Variants in ALKAL2 observed in about 807,000 individuals in gnomAD.
ALKAL2 encodes the protein ALK and LTK ligand 2.
In ALKAL2, 8 loss-of-function variants were observed where a neutral mutation model predicts 18.5. The observed-to-expected ratio is 0.43, with a 90% confidence interval of 0.25 to 0.78. The LOEUF (loss-of-function observed/expected upper bound fraction) is 0.78. Among genes scored for constraint, ALKAL2 ranks in the 30% least tolerant of loss-of-function variants. The pLI is 0.22. For synonymous variants in ALKAL2, 135 were observed against 95.8 expected, an observed-to-expected ratio of 1.41 and a Z score of -2.39; for missense variants, 241 against 211.2, an observed-to-expected ratio of 1.14 and a Z score of -0.88.
intron 5 of ALKAL2, among the ~76,000 whole-genome samples, chr2:281,937 T>G (rs1670367929): frequency 6.6e-6 from 1 of 152,136 alleles, no homozygotes; most frequent in Non-Finnish European, 1.5e-5. Context: ...AGAGCAGGGA[T>G]GTGGGGAGAC....
intron 5 of ALKAL2, among the ~76,000 whole-genome samples, chr2:281,518 C>T (rs745511506): frequency 6.6e-6 from 1 of 152,144 alleles, no homozygotes; most frequent in Non-Finnish European, 1.5e-5. Flanking sequence ...ATCACTGTGG[C>T]GTTTGCAAAG....
At chr2:283,049 C>A in intron 5 of ALKAL2, 62 bp downstream of exon 5, 2 of 1,504,058 alleles carry the variant, frequency 1.3e-6, no homozygotes, top group South Asian at 1.2e-5. Flanking sequence ...ATGAATTTTT[C>A]ATGTCCCAAG....
intron 4 of ALKAL2, 55 bp from the exon 5 acceptor site, chr2:283,230 C>CG: frequency 7.2e-7 from 1 of 1,389,114 alleles, no homozygotes; most frequent in South Asian, 1.3e-5. Flanking sequence ...AAATAAATCG[C>CG]ATTTTTTTGC....
rs758707324 is a variant in ALKAL2 at position 282,861 on chromosome 2, T to A, written c.453+250A>T. On this transcript the variant is annotated intron_variant, in intron 5 of 5. Transcript: ENST00000403610. The stretch of plus-strand genomic sequence containing the variant: ...CATGCTGACACTGGCTGACTTGCTG[T>A]GTTTCAGAGCAGGACCCACTTAGTG... Among the ~76,000 whole-genome samples the A allele has an allele frequency of 9.1e-4, 139 of 152,212 alleles. 5 individuals carry two copies. Among genetic ancestry groups the A allele is most frequent in the Non-Finnish European group, 2.5e-4 (17 of 68,036 alleles).
intron 2 of ALKAL2, chr2:286,641 T>G (rs909472209): frequency 2.2e-5 from 6 of 276,160 alleles, no homozygotes; most frequent in Non-Finnish European, 4.0e-5. Context: ...AAACTGTTTT[T>G]TTTTTCTTTT....
Position 288,055 on chromosome 2 carries a change from C to T in ALKAL2, c.-100G>A. On this transcript the variant is annotated 5_prime_UTR_variant, in exon 1 of 6. Transcript: ENST00000403610. ...AACAAGCCGGCAGGTGAGGGAGCCGCGGTCTCCTCGACGATCACGCCCGAG... is the reference window on the plus strand; with the variant it reads ...AACAAGCCGGCAGGTGAGGGAGCCGTGGTCTCCTCGACGATCACGCCCGAG... 1.7e-6 allele frequency: 2 copies of T among 1,211,038 alleles called. No homozygotes were observed. The highest frequency in any genetic ancestry group is 3.5e-5 in the East Asian group (1 of 28,680). The allele number at this position is 1,211,038 out of a possible 1,614,324, so 75.0% of individuals were successfully genotyped here.
intron 3 of ALKAL2, 21 bp from the exon 4 acceptor site, chr2:286,224 C>T (rs1670502920): frequency 6.2e-7 from 1 of 1,613,098 alleles, no homozygotes; most frequent in Non-Finnish European, 8.5e-7. Flanking sequence ...GAAGAAGAAA[C>T]AGATCATGAA....
chr2:282,504 A>G (rs1197868221), intron 5 of ALKAL2, among the ~76,000 whole-genome samples: 1 of 152,198 alleles, frequency 6.6e-6, no homozygotes, highest in Non-Finnish European at 1.5e-5. Flanking sequence ...GGAAAATAAA[A>G]CCTTACCCTT....
In ALKAL2 at chr2:280,075, A is replaced by G; in HGVS notation, c.*72T>C. ...TGTCCATGAGGGGATGTGTATAAAG[A>G]TAGTTCTGTTTCCCTGTTGGTTTCC... On this transcript the variant is annotated 3_prime_UTR_variant, in exon 6 of 6. Transcript: ENST00000403610. 1 of 1,562,742 alleles carries G rather than the reference A, an allele frequency of 6.4e-7. No individual in the cohort carries two copies. The highest frequency in any genetic ancestry group is 8.8e-7 in the Non-Finnish European group (1 of 1,133,080).
intron 2 of ALKAL2, 200 bp downstream of exon 2, chr2:287,380 CAGA>C (rs1256840462): frequency 9.5e-6 from 4 of 422,292 alleles, no homozygotes; most frequent in Non-Finnish European, 1.6e-5. Context: ...TCACGCGCGC[CAGA>C]AGGAGACCAG....
intron 4 of ALKAL2, 75 bp from the exon 5 acceptor site, chr2:283,250 A>G (rs2103082213): frequency 6.5e-7 from 1 of 1,542,134 alleles, no homozygotes; most frequent in South Asian, 1.2e-5. Context: ...CAAGTATATC[A>G]GCTACTAAAG....
At chr2:281,702 G>A (rs1219890370) in intron 5 of ALKAL2, among the ~76,000 whole-genome samples, 1 of 151,838 alleles carries the variant, frequency 6.6e-6, no homozygotes, top group Admixed American at 6.6e-5. Context: ...TGGGGAATTT[G>A]CTCTCCTCAC....
chr2:287,699 T>C lies in ALKAL2; in HGVS notation c.137A>G (p.Gln46Arg). 2 of 1,479,638 alleles carry C rather than the reference T, an allele frequency of 1.4e-6. No homozygotes were observed. Among genetic ancestry groups the C allele is most frequent in the Non-Finnish European group, 8.9e-7 (1 of 1,121,472 alleles). 91.7% of individuals were successfully genotyped at this position (1,479,638 alleles called of 1,614,324 possible). ...ALLRLVVELV[Q>R]ELRKHHSAEH... ...CGCCGAGTGGTGCTTCCGCAGCTCC[T>C]GGACGAGTTCCACCACCAGCCGCAG... The change falls in exon 2 of 6, where the codon CAG (glutamine) becomes CGG (arginine). Residue 46 changes from glutamine to arginine, a missense_variant. By Grantham distance (43) the Gln-to-Arg change is conservative. Transcript: ENST00000403610.
intron 2 of ALKAL2, chr2:287,274 C>T (rs1276784628): frequency 7.1e-6 from 2 of 281,318 alleles, no homozygotes; most frequent in South Asian, 1.5e-4. Context: ...AGCCTGGATG[C>T]TTCCTTTTCA....
At position 287,805 on chromosome 2, in the gene ALKAL2, C is replaced by T; in HGVS notation, c.31G>A (p.Gly11Arg). 7.4e-7 allele frequency: 1 copy of T among 1,358,360 alleles called. No individual in the cohort carries two copies. Among genetic ancestry groups the T allele is most frequent in the Non-Finnish European group, 9.4e-7 (1 of 1,064,300 alleles). The allele number at this position is 1,358,360 out of a possible 1,614,324, so 84.1% of individuals were successfully genotyped here. The change falls in exon 2 of 6, where the codon GGG (glycine) becomes AGG (arginine). Residue 11 changes from glycine to arginine, a missense_variant. Physicochemically the swap from Gly to Arg is moderately radical, Grantham distance 125. Coordinates refer to ENST00000403610, the MANE Select transcript of ALKAL2 (RefSeq NM_001002919.3). MRGPGHPLLL[G>R]LLLVLGAAGR... ...GCCGCCCCCAGCACCAGCAGCAGCC[C>T]CAGGAGGAGGGGGTGCCCGGGTCCG... is the stretch of plus-strand genomic sequence containing the variant.
rs1422421665 is a variant in ALKAL2 at position 287,425 on chromosome 2, T to C, written c.253+158A>G. ...CTCCGCCAGGCCTCATGCGCGGACCTATTGCTGCTATTTTCTTTTTCTTAA... is the reference window on the plus strand; with the variant it reads ...CTCCGCCAGGCCTCATGCGCGGACCCATTGCTGCTATTTTCTTTTTCTTAA... On this transcript the variant is annotated intron_variant, in intron 2 of 5. Coordinates refer to ENST00000403610, the MANE Select transcript of ALKAL2 (RefSeq NM_001002919.3). The C allele has an allele frequency of 1.4e-5, 8 of 554,946 alleles. No individual in the cohort carries two copies. In the African/African-American group the frequency reaches 1.5e-4, roughly 10 times the overall value. The allele number at this position is 554,946 out of a possible 1,614,324, so 34.4% of individuals were successfully genotyped here.
chr2:287,648 C>A lies in ALKAL2; in HGVS notation c.188G>T (p.Gly63Val). ...CGCGCGGCCCAGGGCGCAGTCCCGC[C>A]CGAGGAGCTGCAGGCCCTTGTGCTC... ...SAEHKGLQLL[G>V]RDCALGRAEA... Residue 63 changes from glycine to valine, a missense_variant, in exon 2 of 6, where the codon GGG becomes GTG. Gly to Val is a moderately radical substitution (Grantham distance 109). Transcript: ENST00000403610. 1 of 1,482,032 alleles carries A rather than the reference C, an allele frequency of 6.7e-7. No individual in the cohort carries two copies. Among genetic ancestry groups the A allele is most frequent in the Non-Finnish European group, 8.9e-7 (1 of 1,122,358 alleles). 91.8% of individuals were successfully genotyped at this position (1,482,032 alleles called of 1,614,324 possible).
chr2:282,222 T>C (rs1203250135), intron 5 of ALKAL2, among the ~76,000 whole-genome samples: 1 of 152,214 alleles, frequency 6.6e-6, no homozygotes, highest in Non-Finnish European at 1.5e-5. Flanking sequence ...GCACTGCCTC[T>C]GCATAGAGAG....
At chr2:281,251 T>C (rs1255165786) in intron 5 of ALKAL2, among the ~76,000 whole-genome samples, 2 of 152,264 alleles carry the variant, frequency 1.3e-5, no homozygotes, top group Non-Finnish European at 2.9e-5. Flanking sequence ...TATGAAATTA[T>C]AGTTAACAGG....
Sources: allele counts gnomAD v4.1 joint callset (sites outside exome capture counted in the v4.1 genomes callset), GRCh38; gene constraint gnomAD v4.1.1; transcripts MANE v1.5; gene names NCBI Gene and HGNC (gene_info 2026-07-23, HGNC 2026-07-21).